The following VSNL1 variants were observed in gnomAD, a reference collection of about 807,000 sequenced individuals.
VSNL1 encodes the protein visinin like 1.
In VSNL1, 6 loss-of-function variants were observed where a neutral mutation model predicts 20.4. The ratio of observed to expected loss-of-function variants is 0.29; its 90% confidence interval spans 0.16 to 0.58. The LOEUF is 0.58. VSNL1 is among the 20% of genes least tolerant of loss of function. The pLI is 0.90. For synonymous variants in VSNL1, 93 were observed against 86.4 expected (o/e 1.08, Z -0.42); for missense variants, 100 against 234.5 (o/e 0.43, Z 3.75).
At chr2:17,652,218 G>A (rs936056166) in intron 3 of VSNL1, among the ~76,000 whole-genome samples, 1 of 152,106 alleles carries the variant, frequency 6.6e-6, no homozygotes. Context: ...CCAGAGGACT[G>A]AGGTCCTGGG....
At chr2:17,627,950 A>G (rs941377630) in intron 2 of VSNL1, among the ~76,000 whole-genome samples, 1 of 152,262 alleles carries the variant, frequency 6.6e-6, no homozygotes, top group Non-Finnish European at 1.5e-5. Context: ...CCAGGAATGA[A>G]CAAGGACAGT....
At chr2:17,642,309 C>CTTTTTCTTTTTTTTTTTTTTTTTT (rs1665897918) in intron 2 of VSNL1, among the ~76,000 whole-genome samples, 1 of 93,194 alleles carries the variant, frequency 1.1e-5, no homozygotes, top group Non-Finnish European at 2.3e-5. Flanking sequence ...GTGAGCATTC[C>CTTTTTCTTTTTTTTTTTTTTTTTT]TTTTTTTTTT....
chr2:17,542,694 T>C (rs1259653885), intron 1 of VSNL1, among the ~76,000 whole-genome samples: 1 of 152,184 alleles, frequency 6.6e-6, no homozygotes, highest in African/African-American at 2.4e-5. Context: ...CATTGAGCAT[T>C]GGCATCAGTT....
chr2:17,607,987 G>A (rs1405540384), intron 2 of VSNL1, among the ~76,000 whole-genome samples: 7 of 152,248 alleles, frequency 4.6e-5, no homozygotes, highest in South Asian at 2.1e-4. Context: ...TTATGACTAC[G>A]GGAGGTACTT....
chr2:17,546,322 C>CTT (rs1186145083), intron 1 of VSNL1, among the ~76,000 whole-genome samples: 1 of 151,998 alleles, frequency 6.6e-6, no homozygotes, highest in African/African-American at 2.4e-5. Context: ...TTTAAGTATA[C>CTT]TTTTTCCTCC....
intron 2 of VSNL1, among the ~76,000 whole-genome samples, chr2:17,613,409 G>A (rs570671912): frequency 5.9e-5 from 9 of 152,274 alleles, no homozygotes; most frequent in South Asian, 2.1e-4. Flanking sequence ...CCCTGAGACC[G>A]TCATGGCCAA....
At chr2:17,643,738 G>T (rs1442437384) in intron 2 of VSNL1, among the ~76,000 whole-genome samples, 1 of 152,146 alleles carries the variant, frequency 6.6e-6, no homozygotes, top group Admixed American at 6.5e-5. Context: ...TGTGTAACAG[G>T]GGTCTGACCC....
At chr2:17,579,764 A>G (rs1664306955) in intron 1 of VSNL1, among the ~76,000 whole-genome samples, 1 of 152,130 alleles carries the variant, frequency 6.6e-6, no homozygotes, top group Non-Finnish European at 1.5e-5. Context: ...CCTGGGATGA[A>G]AGAATCCTGG....
chr2:17,618,041 G>A (rs1418408130), intron 2 of VSNL1, among the ~76,000 whole-genome samples: 1 of 152,142 alleles, frequency 6.6e-6, no homozygotes. Context: ...ATATGGGGAG[G>A]GGGATAAGGG....
chr2:17,651,818 G>A (rs1483860808), intron 3 of VSNL1, among the ~76,000 whole-genome samples: 2 of 152,114 alleles, frequency 1.3e-5, no homozygotes, highest in Non-Finnish European at 2.9e-5. Context: ...TTCCTGCTTC[G>A]TGACACGTGT....
intron 2 of VSNL1, among the ~76,000 whole-genome samples, chr2:17,607,921 A>G (rs1476861521): frequency 6.6e-6 from 1 of 152,252 alleles, no homozygotes; most frequent in Non-Finnish European, 1.5e-5. Flanking sequence ...GCAACATAAC[A>G]TAACAGAATA....
intron 1 of VSNL1, among the ~76,000 whole-genome samples, chr2:17,591,417 C>T (rs1664591440): frequency 6.6e-6 from 1 of 152,190 alleles, no homozygotes; most frequent in African/African-American, 2.4e-5. Flanking sequence ...AACAAAAACT[C>T]CCCAACCAAT....
chr2:17,542,474 C>T (rs1352935954), intron 1 of VSNL1, among the ~76,000 whole-genome samples: 1 of 152,166 alleles, frequency 6.6e-6, no homozygotes, highest in East Asian at 1.9e-4. Context: ...AAATAGGGCT[C>T]TTTGGCCCTT....
At chr2:17,638,954 G>A (rs1665821049) in intron 2 of VSNL1, among the ~76,000 whole-genome samples, 1 of 152,176 alleles carries the variant, frequency 6.6e-6, no homozygotes, top group Non-Finnish European at 1.5e-5. Flanking sequence ...CTGATGCCCT[G>A]GTGTGGCCAT....
At chr2:17,620,529 C>G (rs926579646) in intron 2 of VSNL1, among the ~76,000 whole-genome samples, 3 of 152,174 alleles carry the variant, frequency 2.0e-5, no homozygotes, top group Admixed American at 6.5e-5. Context: ...ATGGGGGACT[C>G]GAGCTGCCTC....
intron 2 of VSNL1, among the ~76,000 whole-genome samples, chr2:17,625,539 GAACAGA>G (rs1665490204): frequency 6.6e-6 from 1 of 152,136 alleles, no homozygotes; most frequent in African/African-American, 2.4e-5. Flanking sequence ...TTGGTTATCA[GAACAGA>G]CTCATTTCAG....
chr2:17,576,324 G>C (rs575348669), intron 1 of VSNL1, among the ~76,000 whole-genome samples: 13 of 152,302 alleles, frequency 8.5e-5, no homozygotes, highest in African/African-American at 3.1e-4. Flanking sequence ...GTGGGAAATG[G>C]TTATAGTGCT....
At chr2:17,620,154 CAG>C (rs1413863516) in intron 2 of VSNL1, among the ~76,000 whole-genome samples, 1 of 152,150 alleles carries the variant, frequency 6.6e-6, no homozygotes, top group African/African-American at 2.4e-5. Context: ...TTGGGAAACA[CAG>C]AAGTTCATTT....
chr2:17,593,654 G>T (rs1209409097), intron 2 of VSNL1, among the ~76,000 whole-genome samples: 1 of 152,192 alleles, frequency 6.6e-6, no homozygotes, highest in Non-Finnish European at 1.5e-5. Flanking sequence ...AGAATAAGTA[G>T]TGTGCATTTT....
Sources: gnomAD v4.1 joint callset for allele counts (sites outside exome capture counted in the v4.1 genomes callset) on GRCh38, gnomAD v4.1.1 for gene constraint, MANE v1.5 for transcripts, NCBI Gene and HGNC (gene_info 2026-07-23, HGNC 2026-07-21) for gene names.